PMS2: variants seen among roughly 807,000 people sequenced by gnomAD.
The protein encoded by PMS2 is mismatch repair endonuclease PMS2.
Under a neutral mutation model 90.0 loss-of-function variants are expected in PMS2, and 69 were observed. The ratio of observed to expected loss-of-function variants is 0.77; its 90% CI spans 0.63 to 0.94. The LOEUF is 0.94. Ranked by LOEUF, PMS2 falls within the 40% of genes least tolerant of loss-of-function variation. The probability of loss-of-function intolerance (pLI) is 0.00; values close to 1 mark genes in which losing one functional copy is unlikely to be tolerated. For missense variants in PMS2, 966 were observed against 1,040.2 expected, an observed-to-expected ratio of 0.93 and a Z score of 0.98; for synonymous variants, 332 against 375.1, an observed-to-expected ratio of 0.89 and a Z score of 1.33.
At chr7:5,990,227 C>T (rs922172657) in intron 9 of PMS2, among the ~76,000 whole-genome samples, 13 of 152,124 alleles carry the variant, frequency 8.5e-5, no homozygotes, top group African/African-American at 2.2e-4. Context: ...AGGCTGGTCT[C>T]GAACTCACAA....
intron 11 of PMS2, among the ~76,000 whole-genome samples, chr7:5,985,461 C>T (rs548691826): frequency 3.3e-5 from 5 of 151,680 alleles, no homozygotes; most frequent in African/African-American, 1.2e-4. Flanking sequence ...AGGTGGTTAA[C>T]TACTATGCTA....
intron 1 of PMS2, among the ~76,000 whole-genome samples, chr7:6,007,336 G>A (rs1355410756): frequency 6.6e-6 from 1 of 151,932 alleles, no homozygotes; most frequent in Non-Finnish European, 1.5e-5. Flanking sequence ...GGCTGGTCTC[G>A]AACTCCTGAC....
chr7:6,007,895 C>T (rs1399486715), intron 1 of PMS2, among the ~76,000 whole-genome samples: 1 of 140,650 alleles, frequency 7.1e-6, no homozygotes, highest in Non-Finnish European at 1.5e-5. Flanking sequence ...AGTCTTGCTG[C>T]GTTGCCCAGG....
rs63751029 is a variant in PMS2, at chr7:5,999,269, CA to C, written c.543del (p.Tyr181Ter). The stretch of plus-strand genomic sequence containing the variant: ...GCATGTAAGACCTGGACCATTTTGG[CA>C]TACTCCTGTTTAAAAAACACAAACA... The part of the protein sequence containing the change: ...KEFQRNIKKE[Y>X]AKMVQVLHAY... On this transcript the variant is annotated frameshift_variant, in exon 6 of 15. Transcript: ENST00000265849. LOFTEE classifies it high-confidence loss of function. 1.9e-6 allele frequency: 3 copies of C among 1,613,498 alleles called. No individual in the cohort carries two copies. In the South Asian group the frequency reaches 3.3e-5, roughly 18 times the overall value.
At chr7:6,006,059 T>C (rs2881029) in intron 1 of PMS2, 28 bp from the exon 2 acceptor site, 11 of 1,608,918 alleles carry the variant, frequency 6.8e-6, no homozygotes, top group Non-Finnish European at 8.5e-6. Context: ...AAGAAACAAA[T>C]CAAGTATTCA....
At chr7:5,992,506 G>C (rs1446428157) in intron 8 of PMS2, among the ~76,000 whole-genome samples, 1 of 151,988 alleles carries the variant, frequency 6.6e-6, no homozygotes, top group South Asian at 2.1e-4. Flanking sequence ...TTTTAGTAGA[G>C]ATGGGGTTTC....
chr7:6,004,199 T>C, intron 2 of PMS2, 141 bp from the exon 3 acceptor site: 1 of 620,730 alleles, frequency 1.6e-6, no homozygotes, highest in Non-Finnish European at 2.9e-6. Flanking sequence ...ATTTTGTATA[T>C]TTCATTGTTA....
chr7:5,984,367 T>C (rs189397498), intron 11 of PMS2, among the ~76,000 whole-genome samples: 27 of 151,910 alleles, frequency 1.8e-4, no homozygotes, highest in Middle Eastern at 3.4e-3. Context: ...ACACGAGAAA[T>C]TGACACTGTC....
intron 8 of PMS2, among the ~76,000 whole-genome samples, chr7:5,992,348 T>G (rs1477816950): frequency 6.7e-6 from 1 of 150,248 alleles, no homozygotes; most frequent in East Asian, 2.0e-4. Flanking sequence ...CAACGGAGTC[T>G]CGCTCTTGTT....
At chr7:5,997,516 C>A in intron 6 of PMS2, 93 bp from the exon 7 acceptor site, 1 of 757,290 alleles carries the variant, frequency 1.3e-6, no homozygotes, top group Non-Finnish European at 2.2e-6. Context: ...ATTGACATTA[C>A]AAGCGCAAAA....
At chr7:5,981,634 C>A (rs1782291180) in intron 12 of PMS2, among the ~76,000 whole-genome samples, 1 of 151,160 alleles carries the variant, frequency 6.6e-6, no homozygotes, top group South Asian at 2.1e-4. Context: ...ACATTCCATA[C>A]ACTATGCATA....
intron 11 of PMS2, among the ~76,000 whole-genome samples, chr7:5,985,019 A>T (rs760576949): frequency 1.3e-5 from 2 of 151,716 alleles, no homozygotes; most frequent in African/African-American, 4.9e-5. Flanking sequence ...CCTATCTTTG[A>T]GGGTCTGTTT....
rs1064794687 is a variant in PMS2, at chr7:5,989,813, C to T, written c.1131G>A (p.Leu377=). Residue 377 remains leucine (L), a synonymous_variant, in exon 10 of 15, where the codon CTG becomes CTA. Coordinates refer to ENST00000265849, the MANE Select transcript of PMS2 (RefSeq NM_000535.7). Reference sequence around the variant, plus strand: ...TATTTTTCTTACCTTCAACATCCAGCAGTGGCTGCTGACTGACATTTAGCT... The same window carrying T: ...TATTTTTCTTACCTTCAACATCCAGTAGTGGCTGCTGACTGACATTTAGCT... ...VNKLNVSQQP[L]LDVEGNLIKM... is the part of the protein sequence containing the mutation. 1 of 1,612,406 alleles carries T rather than the reference C, an allele frequency of 6.2e-7. No homozygotes were observed. Among genetic ancestry groups the T allele is most frequent in the African/African-American group, 1.3e-5 (1 of 75,030 alleles).
intron 8 of PMS2, 116 bp from the exon 9 acceptor site, chr7:5,992,173 GTT>G (rs373566669): frequency 5.5e-3 from 2,886 of 525,898 alleles, no homozygotes; most frequent in East Asian, 6.8e-3. Context: ...ATACTTTTTT[GTT>G]TTTTTTTTTT....
At chr7:5,998,835 C>CA in intron 6 of PMS2, among the ~76,000 whole-genome samples, 1 of 151,676 alleles carries the variant, frequency 6.6e-6, no homozygotes, top group Non-Finnish European at 1.5e-5. Flanking sequence ...ACTAAAGATA[C>CA]AAAAAATTAG....
intron 12 of PMS2, among the ~76,000 whole-genome samples, chr7:5,979,606 T>C (rs1403097584): frequency 3.4e-5 from 5 of 146,778 alleles, no homozygotes; most frequent in Non-Finnish European, 6.0e-5. Context: ...TATTTTGCTA[T>C]CCTGTTCCTT....
intron 6 of PMS2, 63 bp downstream of exon 6, chr7:5,999,044 AC>A: frequency 3.4e-6 from 5 of 1,469,160 alleles, no homozygotes; most frequent in Non-Finnish European, 4.8e-6. Flanking sequence ...ACTGGAAGGG[AC>A]AATGGAAACC....
rs756312205 is a variant in PMS2, at chr7:5,997,322, T to C, written c.803+4A>G. The C allele has an allele frequency of 4.2e-6, 6 of 1,416,620 alleles. No homozygotes were observed. Among genetic ancestry groups the C allele is most frequent in the South Asian group, 1.2e-5 (1 of 86,632 alleles). 87.8% of individuals were successfully genotyped at this position (1,416,620 alleles called of 1,614,324 possible). On this transcript the variant is annotated splice_donor_region_variant and intron_variant, in intron 7 of 14. Coordinates refer to ENST00000265849, the MANE Select transcript of PMS2 (RefSeq NM_000535.7). ...TGTAGTTCTCTTGCCAGCAATCTAC[T>C]TACTAAAAAAGATTATGCAGAGCAT... is the stretch of plus-strand genomic sequence containing the variant.
chr7:5,979,515 T>C (rs1782104888), intron 12 of PMS2, among the ~76,000 whole-genome samples: 1 of 150,052 alleles, frequency 6.7e-6, no homozygotes, highest in South Asian at 2.1e-4. Flanking sequence ...AAAATGCTAT[T>C]TTTCCTCCTT....
Sources: gnomAD v4.1 joint callset for allele counts (sites outside exome capture counted in the v4.1 genomes callset) on GRCh38, gnomAD v4.1.1 for gene constraint, MANE v1.5 for transcripts, NCBI Gene and HGNC (gene_info 2026-07-23, HGNC 2026-07-21) for gene names.